CACNA1D: variants seen among roughly 807,000 people sequenced by gnomAD.
CACNA1D encodes the protein calcium voltage-gated channel subunit alpha1 D.
CACNA1D carries 55 observed loss-of-function variants against 257.1 expected under a neutral mutation model. The observed-to-expected ratio is 0.21, with a 90% CI of 0.17 to 0.27. The LOEUF is 0.27. CACNA1D is among the 10% of genes least tolerant of loss of function. CACNA1D has a pLI of 1.00. For missense variants in CACNA1D, 1,876 were observed against 2,784.0 expected (o/e 0.67, Z 7.34); for synonymous variants, 980 against 1,014.9 (o/e 0.97, Z 0.65).
intron 45 of CACNA1D, among the ~76,000 whole-genome samples, chr3:53,806,310 C>T (rs1399107847): frequency 1.3e-5 from 2 of 151,990 alleles, no homozygotes; most frequent in Non-Finnish European, 2.9e-5. Flanking sequence ...CCTCTGCTCA[C>T]GGGGCAGGTT....
chr3:53,610,708 C>G (rs536698903), intron 3 of CACNA1D, among the ~76,000 whole-genome samples: 30 of 152,264 alleles, frequency 2.0e-4, no homozygotes, highest in African/African-American at 7.2e-4. Context: ...TCCTTTTCCC[C>G]TTTTTCTGCC....
chr3:53,751,648 C>G lies in CACNA1D; in HGVS notation c.3517-101C>G. On this transcript the variant is annotated intron_variant, in intron 27 of 47. Coordinates refer to ENST00000350061, the MANE Select transcript of CACNA1D (RefSeq NM_001128840.3). This position sits in a 1 kb window ranked among gnomAD's most constrained non-coding sequence, Gnocchi z 4.3. The stretch of plus-strand genomic sequence containing the variant: ...TTTCACCATCGTCCACGGCCCCTTC[C>G]CGGGAGCTGTAGGGTGAGCTCTTTC... 1 of 1,208,682 alleles carries G rather than the reference C, an allele frequency of 8.3e-7. No homozygotes were observed. The highest frequency in any genetic ancestry group is 1.2e-6 in the Non-Finnish European group (1 of 812,964). The allele number at this position is 1,208,682 out of a possible 1,614,324, so 74.9% of individuals were successfully genotyped here.
At chr3:53,522,105 T>A (rs1388576038) in intron 3 of CACNA1D, among the ~76,000 whole-genome samples, 1 of 152,132 alleles carries the variant, frequency 6.6e-6, no homozygotes, top group East Asian at 1.9e-4. Flanking sequence ...CACTGCACTC[T>A]AGCCTGAGTG....
intron 9 of CACNA1D, among the ~76,000 whole-genome samples, chr3:53,709,031 C>T (rs1205862156): frequency 6.6e-6 from 1 of 152,214 alleles, no homozygotes; most frequent in African/African-American, 2.4e-5. Flanking sequence ...TGGACCTCTA[C>T]TTTATAGAGG....
chr3:53,528,862 A>T (rs1185259931), intron 3 of CACNA1D, among the ~76,000 whole-genome samples: 2 of 152,190 alleles, frequency 1.3e-5, no homozygotes, highest in Non-Finnish European at 2.9e-5. Flanking sequence ...TGCCTTGTAC[A>T]TGCCGCCTTG....
At chr3:53,718,526 A>G (rs1464058859) in intron 10 of CACNA1D, 138 bp downstream of exon 10, 38 of 1,022,458 alleles carry the variant, frequency 3.7e-5, no homozygotes, top group East Asian at 3.4e-4. Context: ...CTCGTACCCC[A>G]CGCCACGCTT....
At position 53,751,601 on chromosome 3, in the gene CACNA1D, G is replaced by A; in HGVS notation, c.3517-148G>A. 2.5e-6 allele frequency: 2 copies of A among 797,282 alleles called. No homozygotes were observed. The highest frequency in any genetic ancestry group is 4.3e-6 in the Non-Finnish European group (2 of 466,704). The allele number at this position is 797,282 out of a possible 1,614,324, so 49.4% of individuals were successfully genotyped here. On this transcript the variant is annotated intron_variant, in intron 27 of 47. Transcript: ENST00000350061. The surrounding 1 kb of genome is among the most constrained non-coding windows in gnomAD (Gnocchi z 4.3). The stretch of plus-strand genomic sequence containing the variant: ...GACTCAAGAGTGGTGCCAGCAGCAG[G>A]AAGGGGGTCACTCGTAATCATTTTC...
At chr3:53,732,727 A>G in intron 18 of CACNA1D, 88 bp from the exon 19 acceptor site, 1 of 1,278,258 alleles carries the variant, frequency 7.8e-7, no homozygotes, top group Non-Finnish European at 1.1e-6. Context: ...GTTAAAGTTT[A>G]AGCCAAATTT....
At chr3:53,799,577 C>G (rs79626843) in intron 40 of CACNA1D, among the ~76,000 whole-genome samples, 1 of 152,198 alleles carries the variant, frequency 6.6e-6, no homozygotes, top group Non-Finnish European at 1.5e-5. Context: ...AAAAAGCGGA[C>G]CCCCTGTTGG....
chr3:53,768,212 G>A (rs551592761), intron 30 of CACNA1D, among the ~76,000 whole-genome samples: 30 of 152,332 alleles, frequency 2.0e-4, no homozygotes, highest in African/African-American at 6.5e-4. Context: ...CTGTGGCCAG[G>A]AGTGTCTTCC....
At chr3:53,568,181 G>C (rs533448834) in intron 3 of CACNA1D, among the ~76,000 whole-genome samples, 1 of 152,286 alleles carries the variant, frequency 6.6e-6, no homozygotes, top group Admixed American at 6.5e-5. Flanking sequence ...GACTTGCTTA[G>C]CTGCAGCTCT....
At position 53,773,050 on chromosome 3, in the gene CACNA1D, G is replaced by A. The variant is rs1242469566; in HGVS notation, c.4110+152G>A. 66 of 727,084 alleles carry A rather than the reference G, an allele frequency of 9.1e-5. No individual in the cohort carries two copies. The East Asian group carries it at 1.8e-3, about 19-fold the overall frequency. The allele number at this position is 727,084 out of a possible 1,614,324, so 45.0% of individuals were successfully genotyped here. A position where few individuals can be genotyped will look rare whatever the true frequency, so the allele number is the denominator to read the frequency against. ...CTAGGAAGATGAGAAAGACAAAGCT[G>A]CTTAGTAGAGAGCTCCAGGGGAGGC... On this transcript the variant is annotated intron_variant, in intron 33 of 47. Transcript: ENST00000350061.
At chr3:53,509,345 G>A (rs2097334239) in intron 3 of CACNA1D, among the ~76,000 whole-genome samples, 1 of 152,010 alleles carries the variant, frequency 6.6e-6, no homozygotes, top group South Asian at 2.1e-4. Flanking sequence ...GTGAGTTAGG[G>A]GAAAGGTGGA....
chr3:53,713,273 C>T (rs905138815), intron 9 of CACNA1D, among the ~76,000 whole-genome samples: 5 of 152,194 alleles, frequency 3.3e-5, no homozygotes, highest in African/African-American at 1.2e-4. Flanking sequence ...TACTGTCCTA[C>T]AACTCATCTT....
chr3:53,721,037 A>C (rs1035950242), intron 11 of CACNA1D, among the ~76,000 whole-genome samples: 3 of 152,192 alleles, frequency 2.0e-5, no homozygotes, highest in Non-Finnish European at 4.4e-5. Context: ...GGGTAGACAC[A>C]CTGTGGTTCA....
chr3:53,657,651 A>G (rs930896479), intron 4 of CACNA1D, among the ~76,000 whole-genome samples: 1 of 152,244 alleles, frequency 6.6e-6, no homozygotes, highest in African/African-American at 2.4e-5. Context: ...TAAAATATGT[A>G]TGAAATTGGA....
In CACNA1D at chr3:53,744,663, C is replaced by T. The variant is rs966806732; in HGVS notation, c.2919-77C>T. 3.6e-6 allele frequency: 3 copies of T among 830,000 alleles called. No homozygotes were observed. The African/African-American group carries it at 5.0e-5, about 14-fold the overall frequency. 51.4% of individuals were successfully genotyped at this position (830,000 alleles called of 1,614,324 possible). A position where few individuals can be genotyped will look rare whatever the true frequency, so the allele number is the denominator to read the frequency against. ...GTGCAGGGATACTAAAGTGAAGATC[C>T]AGTGAAAGGGTGAATCTCAAAGCAT... On this transcript the variant is annotated intron_variant, in intron 22 of 47. Coordinates refer to ENST00000350061, the MANE Select transcript of CACNA1D (RefSeq NM_001128840.3).
At chr3:53,504,804 A>C (rs1035141868) in intron 3 of CACNA1D, among the ~76,000 whole-genome samples, 3 of 152,136 alleles carry the variant, frequency 2.0e-5, no homozygotes, top group Admixed American at 2.0e-4. Context: ...CATATCATTC[A>C]GTTTCTTATA....
chr3:53,800,914 T>C lies in CACNA1D; in HGVS notation c.5041-144T>C. On this transcript the variant is annotated intron_variant, in intron 41 of 47. Coordinates refer to ENST00000350061, the MANE Select transcript of CACNA1D (RefSeq NM_001128840.3). The surrounding 1 kb of genome is among the most constrained non-coding windows in gnomAD (Gnocchi z 4.3). ...TGCCACACAGTCACATTCACCCTGA[T>C]CATTGAGACACTCAGATTGTTTTAC... 1.3e-6 allele frequency: 1 copy of C among 792,760 alleles called. No individual in the cohort carries two copies. Among genetic ancestry groups the C allele is most frequent in the Non-Finnish European group, 2.2e-6 (1 of 460,340 alleles). The allele number at this position is 792,760 out of a possible 1,614,324, so 49.1% of individuals were successfully genotyped here.
Sources: gnomAD v4.1 joint callset for allele counts (sites outside exome capture counted in the v4.1 genomes callset) on GRCh38, gnomAD v4.1.1 for gene constraint, Gnocchi (gnomAD v3.1) non-coding constraint, MANE v1.5 for transcripts, NCBI Gene and HGNC (gene_info 2026-07-23, HGNC 2026-07-21) for gene names.